BMX: variants seen among roughly 807,000 people sequenced by gnomAD.
BMX encodes the protein BMX non-receptor tyrosine kinase.
BMX carries 31 observed loss-of-function variants against 59.2 expected under a neutral mutation model. The ratio of observed to expected loss-of-function variants is 0.52; its 90% confidence interval spans 0.39 to 0.71. The LOEUF (loss-of-function observed/expected upper bound fraction) is 0.71, where lower values mean the gene tolerates loss of function less well. Ranked by LOEUF, BMX falls within the 30% of genes least tolerant of loss-of-function variation. BMX has a pLI of 0.00. For synonymous variants in BMX, 185 were observed against 181.0 expected, an observed-to-expected ratio of 1.02 and a Z score of -0.18; for missense variants, 474 against 491.7, an observed-to-expected ratio of 0.96 and a Z score of 0.34.
rs1361906853 is a variant in BMX, at chrX:15,537,119, G to T, written c.1223-15G>T. On this transcript the variant is annotated splice_polypyrimidine_tract_variant and intron_variant, in intron 13 of 18. Coordinates refer to ENST00000348343, the MANE Select transcript of BMX (RefSeq NM_203281.3). The stretch of plus-strand genomic sequence containing the variant: ...TCTATGCTCGTCCTAAAGAATGTCC[G>T]TCTTGCCTTGTTAGGAATCTGGGAA... The T allele has an allele frequency of 3.1e-5, 38 of 1,209,705 alleles. No homozygotes were observed. The highest frequency in any genetic ancestry group is 4.1e-5 in the Non-Finnish European group (37 of 894,277).
chrX:15,536,411 T>C lies in BMX; in HGVS notation c.1206T>C (p.Ser402=). The part of the protein sequence containing the change: ...VSTKANKVPD[S]VSLGNGIWEL... ...CAAAGGCCAACAAGGTCCCCGACTC[T>C]GTGTCCCTGGGAAATGGTATGGATA... The change falls in exon 13 of 19, where the codon TCT becomes TCC. Residue 402 remains serine (S), a synonymous_variant. Transcript: ENST00000348343. The C allele has an allele frequency of 8.3e-7, 1 of 1,207,720 alleles. No individual in the cohort carries two copies. The highest frequency in any genetic ancestry group is 1.1e-6 in the Non-Finnish European group (1 of 892,915).
intron 1 of BMX, among the ~76,000 whole-genome samples, chrX:15,503,160 T>C (rs998547268): frequency 1.8e-5 from 2 of 111,879 alleles, no homozygotes; most frequent in African/African-American, 6.5e-5. Context: ...CAATGGCCAC[T>C]TAACTAGATA....
At chrX:15,525,492 G>A in intron 8 of BMX, 127 bp downstream of exon 8, 2 of 648,004 alleles carry the variant, frequency 3.1e-6, no homozygotes, top group South Asian at 6.2e-5. Context: ...AAAAGTCTAT[G>A]TAGTTTGCCT....
chrX:15,503,196 T>C (rs1179154787), intron 1 of BMX, among the ~76,000 whole-genome samples: 1 of 112,125 alleles, frequency 8.9e-6, no homozygotes, highest in Non-Finnish European at 1.9e-5. Context: ...GTATCCTGTT[T>C]CCTGCTCCCC....
chrX:15,529,963 C>T lies in BMX; in HGVS notation c.885-10C>T, dbSNP rs1602346763. The T allele has an allele frequency of 8.3e-7, 1 of 1,203,307 alleles. No homozygotes were observed. Among genetic ancestry groups the T allele is most frequent in the Non-Finnish European group, 1.1e-6 (1 of 889,198 alleles). On this transcript the variant is annotated splice_polypyrimidine_tract_variant and intron_variant, in intron 9 of 18. Coordinates refer to ENST00000348343, the MANE Select transcript of BMX (RefSeq NM_203281.3). ...ATTGATTCTCACATATAATTTTTTT[C>T]CTTTTGCAGCTGGTTTGCTGGTAAC...
chrX:15,527,573 C>T (rs1924857032), intron 9 of BMX, among the ~76,000 whole-genome samples: 1 of 111,256 alleles, frequency 9.0e-6, no homozygotes, highest in Non-Finnish European at 1.9e-5. Flanking sequence ...CACTTGATAC[C>T]AAATGGCACA....
intron 9 of BMX, among the ~76,000 whole-genome samples, chrX:15,528,476 T>A (rs1423568954): frequency 9.0e-6 from 1 of 111,111 alleles, no homozygotes; most frequent in Non-Finnish European, 1.9e-5. Context: ...CGGGGCAACA[T>A]GACAAAACCT....
At chrX:15,528,597 G>A (rs1032775454) in intron 9 of BMX, among the ~76,000 whole-genome samples, 2 of 111,065 alleles carry the variant, frequency 1.8e-5, no homozygotes, top group Non-Finnish European at 3.8e-5. Flanking sequence ...GGTCGAGGCT[G>A]TAGTGAGCCG....
chrX:15,525,879 T>C lies in BMX; in HGVS notation c.831-163T>C, dbSNP rs369053348. On this transcript the variant is annotated intron_variant, in intron 8 of 18. Coordinates refer to ENST00000348343, the MANE Select transcript of BMX (RefSeq NM_203281.3). ...AACTTTTGAGTGACTCTCTCTTTAC[T>C]GTTGCTGTGTTGATACTTTGCCAGG... is the stretch of plus-strand genomic sequence containing the variant. Among the ~76,000 whole-genome samples, 3 of 112,491 alleles carry C rather than the reference T, an allele frequency of 2.7e-5. No individual in the cohort carries two copies. In the East Asian group the frequency reaches 8.3e-4, roughly 31 times the overall value.
intron 7 of BMX, 122 bp downstream of exon 7, chrX:15,522,709 G>C: frequency 9.8e-7 from 1 of 1,023,166 alleles, no homozygotes; most frequent in Non-Finnish European, 1.3e-6. Context: ...AAAATGTTCA[G>C]TGCTTGAGCC....
At chrX:15,515,989 C>T in intron 4 of BMX, 123 bp from the exon 5 acceptor site, 2 of 951,682 alleles carry the variant, frequency 2.1e-6, no homozygotes, top group South Asian at 5.0e-5. Context: ...GAACCATTTG[C>T]TCTTACCTTG....
chrX:15,531,360 G>A lies in BMX; in HGVS notation c.972G>A (p.Ser324=), dbSNP rs753138701. 14 of 1,207,051 alleles carry A rather than the reference G, an allele frequency of 1.2e-5. No homozygotes were observed. The highest frequency in any genetic ancestry group is 5.9e-5 in the East Asian group (2 of 33,694). ...GKEGAFMVRN[S]SQVGMYTVSL... is the part of the protein sequence containing the mutation. ...AAGGAGCATTTATGGTTAGAAATTC[G>A]AGCCAAGTGGGAATGTACACAGTGT... Residue 324 remains serine (S), a synonymous_variant, in exon 11 of 19, where the codon TCG becomes TCA. Coordinates refer to ENST00000348343, the MANE Select transcript of BMX (RefSeq NM_203281.3).
chrX:15,503,186 G>T (rs1263626008), intron 1 of BMX, among the ~76,000 whole-genome samples: 4 of 111,516 alleles, frequency 3.6e-5, no homozygotes, highest in African/African-American at 1.3e-4. Flanking sequence ...GTCTCCCTTG[G>T]TATCCTGTTT....
chrX:15,515,698 T>A (rs1435636435), intron 4 of BMX, among the ~76,000 whole-genome samples: 5 of 111,442 alleles, frequency 4.5e-5, no homozygotes, highest in Non-Finnish European at 7.5e-5. Context: ...TAGATGGAAG[T>A]GTATGTTTAT....
chrX:15,524,100 A>G (rs1026504609), intron 7 of BMX, among the ~76,000 whole-genome samples: 6 of 112,029 alleles, frequency 5.4e-5, no homozygotes, highest in Non-Finnish European at 1.1e-4. Context: ...TTTTTAATCT[A>G]CTTTCTGTTT....
At chrX:15,518,780 T>TTGG (rs1323093102) in intron 6 of BMX, among the ~76,000 whole-genome samples, 2 of 111,108 alleles carry the variant, frequency 1.8e-5, no homozygotes, top group Non-Finnish European at 3.8e-5. Flanking sequence ...CTATCATGAT[T>TTGG]TGGTGGTGGT....
At position 15,527,247 on chromosome X, in the gene BMX, AATATATATAT is replaced by A. The variant is rs34046926; in HGVS notation, c.884+1180_884+1189del. 4.3e-3 allele frequency among the ~76,000 whole-genome samples: 244 copies of A among 56,362 alleles called. 2 individuals are homozygous for A. The highest frequency in any genetic ancestry group is 5.9e-3 in the Non-Finnish European group (203 of 34,132). 48.9% of individuals were successfully genotyped at this position (56,362 alleles called of 115,157 possible). ...ACAAACACACACACACACACACACA[AATATATATAT>A]ATATATATATATATATATATATATA... On this transcript the variant is annotated intron_variant, in intron 9 of 18. Coordinates refer to ENST00000348343, the MANE Select transcript of BMX (RefSeq NM_203281.3).
chrX:15,509,415 G>A lies in BMX; in HGVS notation c.225G>A (p.Glu75=). The change falls in exon 3 of 19, where the codon GAG becomes GAA. Residue 75 remains glutamate, a synonymous_variant. Transcript: ENST00000348343. ...ATCTCGAGGAGCAGACGCCTGTAGA[G>A]AGACAGTACCCATTTCAGGTAAAGG... is the stretch of plus-strand genomic sequence containing the variant. ...KVNLEEQTPV[E]RQYPFQIVYK... is the part of the protein sequence containing the mutation. The A allele has an allele frequency of 8.3e-7, 1 of 1,200,446 alleles. No homozygotes were observed. The highest frequency in any genetic ancestry group is 1.1e-6 in the Non-Finnish European group (1 of 887,744).
intron 6 of BMX, among the ~76,000 whole-genome samples, chrX:15,521,705 CT>C (rs1924465169): frequency 9.0e-6 from 1 of 111,387 alleles, no homozygotes; most frequent in Non-Finnish European, 1.9e-5. Context: ...TCACAGCTCT[CT>C]AATCTCTGAC....
Sources: allele counts gnomAD v4.1 joint callset (sites outside exome capture counted in the v4.1 genomes callset), GRCh38; gene constraint gnomAD v4.1.1; transcripts MANE v1.5; gene names NCBI Gene and HGNC (gene_info 2026-07-23, HGNC 2026-07-21).